ZHX2: variants seen among roughly 807,000 people sequenced by gnomAD.
The protein encoded by ZHX2 is zinc fingers and homeoboxes 2.
A neutral mutation model predicts 21.9 loss-of-function variants in ZHX2; 6 were observed. The ratio of observed to expected loss-of-function variants is 0.27; its 90% CI spans 0.15 to 0.54. The LOEUF (loss-of-function observed/expected upper bound fraction) is 0.54, where lower values mean the gene tolerates loss of function less well. ZHX2 is among the 20% of genes least tolerant of loss of function. The pLI, the probability that ZHX2 is intolerant of heterozygous loss-of-function variation, is 0.95. For synonymous variants in ZHX2, 434 were observed against 437.1 expected (o/e 0.99, Z 0.09); for missense variants, 908 against 1,090.7 (o/e 0.83, Z 2.36).
At position 122,857,898 on chromosome 8, in the gene ZHX2, G is replaced by A. The variant is rs1352453584; in HGVS notation, c.-282-5579G>A. On this transcript the variant is annotated intron_variant, in intron 1 of 3. Coordinates refer to ENST00000314393, the MANE Select transcript of ZHX2 (RefSeq NM_014943.5). The stretch of plus-strand genomic sequence containing the variant: ...CTCCTGGAACAGAGCCATGTGCTCC[G>A]GAAGTGGTGGCTGTTATGTGAGCAA... 4.6e-5 allele frequency among the ~76,000 whole-genome samples: 7 copies of A among 152,226 alleles called. No individual in the cohort carries two copies. The South Asian group carries it at 6.2e-4, about 13-fold the overall frequency.
intron 1 of ZHX2, among the ~76,000 whole-genome samples, chr8:122,802,138 A>G (rs564557925): frequency 6.6e-6 from 1 of 152,240 alleles, no homozygotes; most frequent in East Asian, 1.9e-4. Flanking sequence ...ATCTCAGCTC[A>G]CTACAGCCTC....
intron 2 of ZHX2, among the ~76,000 whole-genome samples, chr8:122,929,656 A>AGACAGTTG (rs11404862): frequency 6.6e-6 from 1 of 151,664 alleles, no homozygotes; most frequent in East Asian, 1.9e-4. Context: ...AAAAAAAAAA[A>AGACAGTTG]GACAGTTGTT....
intron 1 of ZHX2, among the ~76,000 whole-genome samples, chr8:122,811,498 G>A (rs888291866): frequency 8.5e-5 from 13 of 152,168 alleles, no homozygotes; most frequent in East Asian, 3.8e-4. Flanking sequence ...CTGCATCCAC[G>A]CCATGGAAGA....
chr8:122,861,508 C>T (rs1819167084), intron 1 of ZHX2, among the ~76,000 whole-genome samples: 1 of 152,092 alleles, frequency 6.6e-6, no homozygotes, highest in African/African-American at 2.4e-5. Context: ...GGACTGTTTT[C>T]CTCTTGGTCT....
intron 2 of ZHX2, among the ~76,000 whole-genome samples, chr8:122,878,061 C>T (rs375359322): frequency 1.4e-5 from 2 of 144,722 alleles, no homozygotes; most frequent in Non-Finnish European, 3.0e-5. Flanking sequence ...ATGAGAATGT[C>T]GGTAAAAGTT....
intron 1 of ZHX2, among the ~76,000 whole-genome samples, chr8:122,817,038 G>A (rs1818049730): frequency 6.6e-6 from 1 of 152,128 alleles, no homozygotes; most frequent in African/African-American, 2.4e-5. Context: ...AAAAAGTGGG[G>A]GATTTTTATA....
chr8:122,908,077 C>A (rs931120824), intron 2 of ZHX2, among the ~76,000 whole-genome samples: 1 of 152,162 alleles, frequency 6.6e-6, no homozygotes, highest in East Asian at 1.9e-4. Flanking sequence ...GCTGTGTGTT[C>A]TCCGTGGATG....
In ZHX2 at chr8:122,836,811, G is replaced by A. The variant is rs146358830; in HGVS notation, c.-282-26666G>A. On this transcript the variant is annotated intron_variant, in intron 1 of 3. Coordinates refer to ENST00000314393, the MANE Select transcript of ZHX2 (RefSeq NM_014943.5). ...AGGCTTGCGCCTTGGTACTGGGCCT[G>A]AGAAGGGAGGAGTTATTCATCCCCT... Among the ~76,000 whole-genome samples, 226 of 152,372 alleles carry A rather than the reference G, an allele frequency of 1.5e-3. 1 individual carries two copies. Among genetic ancestry groups the A allele is most frequent in the African/African-American group, 5.1e-3 (211 of 41,594 alleles).
chr8:122,811,479 C>T (rs1817927111), intron 1 of ZHX2, among the ~76,000 whole-genome samples: 1 of 152,228 alleles, frequency 6.6e-6, no homozygotes, highest in South Asian at 2.1e-4. Context: ...CTTTCTAATG[C>T]TCCCTGCCCT....
intron 1 of ZHX2, among the ~76,000 whole-genome samples, chr8:122,853,365 T>G (rs7833149): frequency 0.7 from 106,106 of 152,188 alleles, 38,420 homozygotes; most frequent in African/African-American, 0.91. Context: ...TGAGGTGCTT[T>G]AGGCCACACA....
At chr8:122,937,772 T>C (rs1812737825) in intron 2 of ZHX2, among the ~76,000 whole-genome samples, 5 of 151,840 alleles carry the variant, frequency 3.3e-5, no homozygotes, top group Non-Finnish European at 4.4e-5. Flanking sequence ...AGAGACAGCG[T>C]TTCACCATGT....
intron 2 of ZHX2, among the ~76,000 whole-genome samples, chr8:122,929,715 C>G (rs921755770): frequency 6.6e-6 from 1 of 151,338 alleles, no homozygotes; most frequent in South Asian, 2.1e-4. Flanking sequence ...ACATGGTTTT[C>G]GTGTCTGAAA....
chr8:122,962,110 CTCA>C lies in ZHX2; in HGVS notation c.*4+8084_*4+8086del, dbSNP rs986712927. ...AGGCACTGTGCATGTGCTGACTCAT[CTCA>C]TTCTCACAGTCACACTCCAAACTAT... On this transcript the variant is annotated intron_variant, in intron 3 of 3. Coordinates refer to ENST00000314393, the MANE Select transcript of ZHX2 (RefSeq NM_014943.5). Among the ~76,000 whole-genome samples the C allele has an allele frequency of 3.4e-4, 52 of 152,288 alleles. 1 individual carries two copies. The highest frequency in any genetic ancestry group is 3.1e-3 in the Admixed American group (47 of 15,294).
At chr8:122,827,107 G>T (rs551281630) in intron 1 of ZHX2, among the ~76,000 whole-genome samples, 1 of 152,064 alleles carries the variant, frequency 6.6e-6, no homozygotes, top group Admixed American at 6.6e-5. Context: ...TGCAACCTTC[G>T]AATCCAGGCT....
chr8:122,796,866 ATC>A (rs1176487639), intron 1 of ZHX2, among the ~76,000 whole-genome samples: 2 of 152,148 alleles, frequency 1.3e-5, no homozygotes, highest in Non-Finnish European at 1.5e-5. Flanking sequence ...AGACAGTAAA[ATC>A]TGTTCCCAGA....
chr8:122,803,921 A>C (rs956695632), intron 1 of ZHX2, among the ~76,000 whole-genome samples: 5 of 152,102 alleles, frequency 3.3e-5, no homozygotes, highest in Non-Finnish European at 7.4e-5. Context: ...CTGTCTCCCC[A>C]CAGAGGAGAA....
chr8:122,852,825 G>A lies in ZHX2; in HGVS notation c.-282-10652G>A, dbSNP rs1487884834. ...CTTGCATCTTGCCATGCTATCATTT[G>A]CTACTTTTCTTGCCTCGGTGGTTTG... On this transcript the variant is annotated intron_variant, in intron 1 of 3. Coordinates refer to ENST00000314393, the MANE Select transcript of ZHX2 (RefSeq NM_014943.5). 2.6e-5 allele frequency among the ~76,000 whole-genome samples: 4 copies of A among 152,084 alleles called. No individual in the cohort carries two copies. The East Asian group carries it at 5.8e-4, about 22-fold the overall frequency.
At chr8:122,839,300 C>A (rs544936578) in intron 1 of ZHX2, among the ~76,000 whole-genome samples, 1 of 152,288 alleles carries the variant, frequency 6.6e-6, no homozygotes, top group Non-Finnish European at 1.5e-5. Flanking sequence ...TTCCCTCACC[C>A]CATCATTCAC....
chr8:122,942,270 C>T (rs991572824), intron 2 of ZHX2, among the ~76,000 whole-genome samples: 12 of 152,156 alleles, frequency 7.9e-5, no homozygotes, highest in Admixed American at 6.5e-5. Context: ...CCTGCTCCCA[C>T]CCCCTCAAAA....
Sources: gnomAD v4.1 joint callset for allele counts (sites outside exome capture counted in the v4.1 genomes callset) on GRCh38, gnomAD v4.1.1 for gene constraint, MANE v1.5 for transcripts, NCBI Gene and HGNC (gene_info 2026-07-23, HGNC 2026-07-21) for gene names.